GGTA1: variants seen among roughly 807,000 people sequenced by gnomAD.
GGTA1 encodes the protein inactive N-acetyllactosaminide alpha-1,3-galactosyltransferase.
In GGTA1, 5 loss-of-function variants were observed where a neutral mutation model predicts 2.6. That is an observed-to-expected ratio of 1.92 (90% CI 1.00 to 4.04). The LOEUF (loss-of-function observed/expected upper bound fraction) is 4.04, where lower values mean the gene tolerates loss of function less well. GGTA1 is among the 30% of genes most tolerant of loss of function. The probability of loss-of-function intolerance (pLI) is 0.00; values close to 1 mark genes in which losing one functional copy is unlikely to be tolerated. For synonymous variants in GGTA1, 17 were observed against 5.0 expected, an observed-to-expected ratio of 3.38 and a Z score of -3.19; for missense variants, 50 against 16.7, an observed-to-expected ratio of 2.99 and a Z score of -3.47.
intron 7 of GGTA1, among the ~76,000 whole-genome samples, chr9:121,448,866 G>C (rs1429800076): frequency 2.0e-5 from 3 of 152,044 alleles, no homozygotes. Context: ...CTCTTGGTGT[G>C]GTACATTCTA....
At chr9:121,466,671 G>A (rs2065007006) in intron 2 of GGTA1, among the ~76,000 whole-genome samples, 1 of 152,044 alleles carries the variant, frequency 6.6e-6, no homozygotes, top group Non-Finnish European at 1.5e-5. Flanking sequence ...AATCAAAAGA[G>A]GCCGGGCATG....
intron 1 of GGTA1, among the ~76,000 whole-genome samples, chr9:121,470,242 T>G (rs1165677413): frequency 3.9e-5 from 6 of 152,216 alleles, no homozygotes; most frequent in Non-Finnish European, 1.5e-5. Context: ...AATCAAAATA[T>G]ACCTTGGCAA....
At position 121,480,022 on chromosome 9, in the gene GGTA1, G is replaced by A. The variant is rs1239894453; in HGVS notation, c.-9-12091C>T. 3.3e-5 allele frequency among the ~76,000 whole-genome samples: 5 copies of A among 150,942 alleles called. No homozygotes were observed. In the South Asian group the frequency reaches 8.4e-4, roughly 25 times the overall value. On this transcript the variant is annotated intron_variant, in intron 1 of 5. Coordinates refer to ENST00000481799, the MANE Select transcript of GGTA1 (RefSeq NM_001382585.1). ...ATCTTGCAGCTGGAAGGGACCTAGGGGCAGTGGATTTTCTTTCTTTCTTTT... is the reference window on the plus strand; with the variant it reads ...ATCTTGCAGCTGGAAGGGACCTAGGAGCAGTGGATTTTCTTTCTTTCTTTT...
chr9:121,494,446 C>G (rs1828945424), intron 1 of GGTA1: 2 of 152,214 alleles, frequency 1.3e-5, no homozygotes, highest in Admixed American at 1.3e-4. Flanking sequence ...AGCTCTTTGG[C>G]TGGAGATTTA....
intron 1 of GGTA1, among the ~76,000 whole-genome samples, chr9:121,475,772 A>G (rs890221454): frequency 6.6e-6 from 1 of 152,174 alleles, no homozygotes; most frequent in African/African-American, 2.4e-5. Flanking sequence ...AGGTAAGGGA[A>G]TGGGGAAGGG....
chr9:121,480,062 T>TTTTCTTTTC (rs984061619), intron 1 of GGTA1, among the ~76,000 whole-genome samples: 1 of 78,968 alleles, frequency 1.3e-5, no homozygotes, highest in African/African-American at 3.8e-5. Flanking sequence ...TTTTCTTTTC[T>TTTTCTTTTC]TTTTTTTTTT....
At chr9:121,465,752 G>A (rs1382463043) in intron 2 of GGTA1, among the ~76,000 whole-genome samples, 1 of 152,170 alleles carries the variant, frequency 6.6e-6, no homozygotes, top group Non-Finnish European at 1.5e-5. Flanking sequence ...GTGGTACTTT[G>A]TTATAGTGGC....
chr9:121,454,047 A>G (rs12005392), downstream of GGTA1, among the ~76,000 whole-genome samples: 30 of 152,178 alleles, frequency 2.0e-4, no homozygotes, highest in Middle Eastern at 6.8e-3. Flanking sequence ...TTCACCCCCA[A>G]TGCTGAAATT....
intron 1 of GGTA1, among the ~76,000 whole-genome samples, chr9:121,496,757 A>AAAAAAAAAAAAAAAAAAACAGAG: frequency 8.9e-6 from 1 of 112,006 alleles, no homozygotes; most frequent in Non-Finnish European, 2.1e-5. Flanking sequence ...AAAAAAAAAA[A>AAAAAAAAAAAAAAAAAAACAGAG]AGAGAGAGAG....
intron 1 of GGTA1, among the ~76,000 whole-genome samples, chr9:121,483,770 C>G (rs1828701364): frequency 6.6e-6 from 1 of 152,196 alleles, no homozygotes; most frequent in African/African-American, 2.4e-5. Context: ...GGCTTCATGT[C>G]CCAGGTCACT....
intron 3 of GGTA1, chr9:121,462,878 T>C (rs2064972147): frequency 6.4e-6 from 1 of 155,084 alleles, no homozygotes; most frequent in Non-Finnish European, 1.4e-5. Context: ...TTTCAAAAAA[T>C]ACAAAAAGAA....
intron 1 of GGTA1, among the ~76,000 whole-genome samples, chr9:121,498,348 C>T (rs1829033313): frequency 6.6e-6 from 1 of 152,212 alleles, no homozygotes. Flanking sequence ...ATGCTGCCCC[C>T]ATCTGGTAGA....
chr9:121,452,493 C>T (rs1325808900), downstream of GGTA1, among the ~76,000 whole-genome samples: 1 of 151,890 alleles, frequency 6.6e-6, no homozygotes, highest in Non-Finnish European at 1.5e-5. Flanking sequence ...TCAGGTGCCT[C>T]TGAGGGCTAT....
At chr9:121,487,404 T>A (rs1402588712) in intron 1 of GGTA1, among the ~76,000 whole-genome samples, 5 of 151,718 alleles carry the variant, frequency 3.3e-5, no homozygotes, top group Non-Finnish European at 7.4e-5. Flanking sequence ...GATGAAACCT[T>A]GTCTTTACTA....
intron 7 of GGTA1, among the ~76,000 whole-genome samples, chr9:121,448,328 A>G (rs948341851): frequency 1.3e-5 from 2 of 152,142 alleles, no homozygotes; most frequent in African/African-American, 4.8e-5. Flanking sequence ...CTGGGGATGC[A>G]TTAAGCCCAA....
intron 4 of GGTA1, among the ~76,000 whole-genome samples, chr9:121,460,439 G>A (rs1456805240): frequency 6.6e-6 from 1 of 152,190 alleles, no homozygotes; most frequent in Non-Finnish European, 1.5e-5. Context: ...AGTCACCACA[G>A]TTAACAATTT....
chr9:121,469,085 G>A (rs565853924), intron 1 of GGTA1, among the ~76,000 whole-genome samples: 3 of 152,264 alleles, frequency 2.0e-5, no homozygotes, highest in Non-Finnish European at 4.4e-5. Context: ...TACACAGCAG[G>A]TGCATAGATA....
At chr9:121,496,336 G>A (rs1245354201) in intron 1 of GGTA1, among the ~76,000 whole-genome samples, 2 of 151,998 alleles carry the variant, frequency 1.3e-5, no homozygotes, top group Non-Finnish European at 2.9e-5. Flanking sequence ...CCAAGCCCTG[G>A]CCCATAATGG....
intron 1 of GGTA1, among the ~76,000 whole-genome samples, chr9:121,486,447 C>T (rs1021869006): frequency 6.6e-6 from 1 of 152,234 alleles, no homozygotes; most frequent in Non-Finnish European, 1.5e-5. Context: ...AGCACTAAGA[C>T]AGCAGTCAGG....
Sources: allele counts gnomAD v4.1 joint callset (sites outside exome capture counted in the v4.1 genomes callset), GRCh38; gene constraint gnomAD v4.1.1; transcripts MANE v1.5; gene names NCBI Gene and HGNC (gene_info 2026-07-23, HGNC 2026-07-21).